Variants in ERCC6L2 observed in about 807,000 individuals in gnomAD.
The protein encoded by ERCC6L2 is DNA excision repair protein ERCC-6-like 2.
ERCC6L2 carries 77 observed loss-of-function variants against 132.0 expected under a neutral mutation model. That is an observed-to-expected ratio of 0.58 (90% CI 0.49 to 0.71). The LOEUF (loss-of-function observed/expected upper bound fraction) is 0.71, where lower values mean the gene tolerates loss of function less well. ERCC6L2 is among the 30% of genes least tolerant of loss of function. The pLI, the probability that ERCC6L2 is intolerant of heterozygous loss-of-function variation, is 0.00. For synonymous variants in ERCC6L2, 583 were observed against 632.4 expected, an observed-to-expected ratio of 0.92 and a Z score of 1.17; for missense variants, 1,542 against 1,837.6, an observed-to-expected ratio of 0.84 and a Z score of 2.94.
rs1186037180 is a variant in ERCC6L2 at position 96,017,408 on chromosome 9, G to C, written c.*4205G>C. On this transcript the variant is annotated 3_prime_UTR_variant, in exon 19 of 19. Coordinates refer to ENST00000653738, the MANE Select transcript of ERCC6L2 (RefSeq NM_020207.7). The stretch of plus-strand genomic sequence containing the variant: ...TGCCCCTAGGAGGAAAGACAGATTC[G>C]CCCTTCCTTCCCAAGTCCCAGGCTG... 8.6e-5 allele frequency among the ~76,000 whole-genome samples: 13 copies of C among 152,020 alleles called. No individual in the cohort carries two copies. Among genetic ancestry groups the C allele is most frequent in the Admixed American group, 8.5e-4 (13 of 15,264 alleles).
intron 6 of ERCC6L2, chr9:95,918,412 A>C: frequency 2.5e-6 from 1 of 395,612 alleles, no homozygotes; most frequent in Non-Finnish European, 5.0e-6. Flanking sequence ...GAGATACTGA[A>C]GGAACAAGAA....
chr9:96,034,059 A>G (rs1344667160), intron 19 of ERCC6L2, among the ~76,000 whole-genome samples: 1 of 152,228 alleles, frequency 6.6e-6, no homozygotes, highest in Non-Finnish European at 1.5e-5. Flanking sequence ...AACCCATCAG[A>G]AACCTGGCCA....
At chr9:95,995,687 C>T (rs1166195768) in intron 17 of ERCC6L2, among the ~76,000 whole-genome samples, 1 of 152,184 alleles carries the variant, frequency 6.6e-6, no homozygotes, top group Non-Finnish European at 1.5e-5. Context: ...CTTTGTGTCT[C>T]TGAGTCACAT....
At position 96,012,333 on chromosome 9, in the gene ERCC6L2, C is replaced by T. The variant is rs149353185; in HGVS notation, c.3783C>T (p.Asp1261=). The change falls in exon 19 of 19, where the codon GAC becomes GAT. Residue 1261 remains aspartate, a synonymous_variant. Coordinates refer to ENST00000653738, the MANE Select transcript of ERCC6L2 (RefSeq NM_020207.7). Reference sequence around the variant, plus strand: ...AAGAACGACAGAAAATGCTAAGAGACTTTTATGCTTCTCAATATCCAGAGG... The same window carrying T: ...AAGAACGACAGAAAATGCTAAGAGATTTTTATGCTTCTCAATATCCAGAGG... ...TSEERQKMLR[D]FYASQYPEVK... The T allele has an allele frequency of 2.6e-5, 35 of 1,360,834 alleles. No homozygotes were observed. The highest frequency in any genetic ancestry group is 3.8e-5 in the Admixed American group (2 of 52,366). 84.3% of individuals were successfully genotyped at this position (1,360,834 alleles called of 1,614,324 possible). A position where few individuals can be genotyped will look rare whatever the true frequency, so the allele number is the denominator to read the frequency against.
intron 11 of ERCC6L2, 112 bp downstream of exon 11, chr9:95,928,976 C>G (rs1830220928): frequency 1.3e-6 from 1 of 749,166 alleles, no homozygotes; most frequent in East Asian, 3.2e-5. Context: ...TATTTAGAAG[C>G]AGCAAAAATA....
chr9:95,899,608 G>A (rs537012910), intron 3 of ERCC6L2, among the ~76,000 whole-genome samples: 2,751 of 136,364 alleles, frequency 0.02, 76 homozygotes, highest in African/African-American at 0.062. Flanking sequence ...ATATGTGTGT[G>A]TGTGTGTGTG....
Position 95,986,257 on chromosome 9 carries a change from CTA to C in ERCC6L2, c.3492+8043_3492+8044del, listed in dbSNP as rs371875272. 3.9e-4 allele frequency among the ~76,000 whole-genome samples: 59 copies of C among 152,306 alleles called. 2 individuals carry two copies. The East Asian group carries it at 9.8e-3, about 25-fold the overall frequency. On this transcript the variant is annotated intron_variant, in intron 17 of 18. Coordinates refer to ENST00000653738, the MANE Select transcript of ERCC6L2 (RefSeq NM_020207.7). ...AAAAATTGGGCTATATAGTAAGTCACTAAACTAATTCAAATAACAGCAGGTCT... is the reference window on the plus strand; with the variant it reads ...AAAAATTGGGCTATATAGTAAGTCACAACTAATTCAAATAACAGCAGGTCT...
chr9:96,005,261 C>G (rs1490005105), intron 18 of ERCC6L2, among the ~76,000 whole-genome samples: 1 of 151,512 alleles, frequency 6.6e-6, no homozygotes, highest in Non-Finnish European at 1.5e-5. Flanking sequence ...TGCAGTGAGC[C>G]GAGATTGCGC....
intron 4 of ERCC6L2, among the ~76,000 whole-genome samples, chr9:95,909,834 C>T (rs983792053): frequency 3.3e-5 from 5 of 152,222 alleles, no homozygotes; most frequent in African/African-American, 1.2e-4. Flanking sequence ...ATATGGTTAA[C>T]TGTAGGTTTA....
intron 19 of ERCC6L2, among the ~76,000 whole-genome samples, chr9:96,030,430 T>C (rs548803494): frequency 1.3e-5 from 2 of 152,080 alleles, no homozygotes; most frequent in African/African-American, 4.8e-5. Context: ...GCTGTAGTAC[T>C]CTCACGCCTG....
intron 13 of ERCC6L2, among the ~76,000 whole-genome samples, chr9:95,957,876 GT>G (rs59212662): frequency 1.0e-4 from 15 of 145,876 alleles, no homozygotes; most frequent in African/African-American, 2.3e-4. Flanking sequence ...TTATGTTTTT[GT>G]TTTTTTTTTT....
At chr9:95,936,027 GA>G (rs903150849) in intron 11 of ERCC6L2, among the ~76,000 whole-genome samples, 6 of 152,120 alleles carry the variant, frequency 3.9e-5, no homozygotes, top group African/African-American at 1.4e-4. Flanking sequence ...AGGACAATCA[GA>G]AGACCAAAGA....
intron 2 of ERCC6L2, among the ~76,000 whole-genome samples, chr9:95,886,005 TTTG>T (rs1053525369): frequency 7.9e-5 from 12 of 152,072 alleles, no homozygotes; most frequent in Non-Finnish European, 1.8e-4. Context: ...GTGAATCTTT[TTTG>T]TTGTTGTTCT....
chr9:96,026,192 A>G (rs1834360192), intron 19 of ERCC6L2, among the ~76,000 whole-genome samples: 1 of 152,200 alleles, frequency 6.6e-6, no homozygotes, highest in Non-Finnish European at 1.5e-5. Flanking sequence ...GCATGAAGCA[A>G]GCTAGAAAAC....
At chr9:95,892,136 G>A (rs75546250) in intron 2 of ERCC6L2, among the ~76,000 whole-genome samples, 3,815 of 151,990 alleles carry the variant, frequency 0.025, 171 homozygotes, top group African/African-American at 0.089. Flanking sequence ...ATTTCTATAT[G>A]TTATTCTACT....
intron 14 of ERCC6L2, among the ~76,000 whole-genome samples, chr9:95,969,993 C>T (rs1004033464): frequency 6.6e-6 from 1 of 152,080 alleles, no homozygotes; most frequent in Non-Finnish European, 1.5e-5. Flanking sequence ...ACACCAGAAG[C>T]TTTAAAGTCC....
At chr9:96,025,480 C>T (rs1169914551) in intron 19 of ERCC6L2, among the ~76,000 whole-genome samples, 1 of 152,220 alleles carries the variant, frequency 6.6e-6, no homozygotes, top group Non-Finnish European at 1.5e-5. Context: ...CCCCCTTGCT[C>T]ATCCACCTGC....
At chr9:95,942,761 A>C (rs1010675057) in intron 12 of ERCC6L2, among the ~76,000 whole-genome samples, 1 of 152,162 alleles carries the variant, frequency 6.6e-6, no homozygotes, top group African/African-American at 2.4e-5. Context: ...GATTGGAGAA[A>C]ATTGTTATTA....
chr9:95,993,078 G>A (rs554620596), intron 17 of ERCC6L2, among the ~76,000 whole-genome samples: 1 of 152,266 alleles, frequency 6.6e-6, no homozygotes, highest in East Asian at 1.9e-4. Context: ...ATAAAGACTA[G>A]TAGAATTGTG....
Sources: gnomAD v4.1 joint callset for allele counts (sites outside exome capture counted in the v4.1 genomes callset) on GRCh38, gnomAD v4.1.1 for gene constraint, MANE v1.5 for transcripts, NCBI Gene and HGNC (gene_info 2026-07-23, HGNC 2026-07-21) for gene names.